The following SLC14A2 variants were observed in gnomAD, a reference collection of about 807,000 sequenced individuals.
The protein encoded by SLC14A2 is solute carrier family 14 member 2, also known as urea transporter 2.
In SLC14A2, 91 loss-of-function variants were observed where a neutral mutation model predicts 104.6. That is an observed-to-expected ratio of 0.87 (90% CI 0.73 to 1.04). The LOEUF (loss-of-function observed/expected upper bound fraction) is 1.04. SLC14A2 is among the 50% of genes least tolerant of loss of function. The pLI, the probability that SLC14A2 is intolerant of heterozygous loss-of-function variation, is 0.00. For missense variants in SLC14A2, 1,189 were observed against 1,156.0 expected (o/e 1.03, Z -0.41); for synonymous variants, 476 against 466.4 (o/e 1.02, Z -0.27).
At chr18:45,170,876 T>C in the SLC14A2 span, among the ~76,000 whole-genome samples, 3 of 152,064 alleles carry the variant, frequency 2.0e-5, no homozygotes, top group Admixed American at 1.3e-4. Flanking sequence ...ATCTACCAAT[T>C]ACAAAATGAT....
intron 2 of SLC14A2, among the ~76,000 whole-genome samples, chr18:45,537,362 A>G (rs976783647): frequency 1.7e-4 from 26 of 152,196 alleles, no homozygotes; most frequent in African/African-American, 1.4e-4. Context: ...GGGTTGAGCT[A>G]TCAAGATAGA....
At chr18:45,409,581 G>C (rs762816956) in intron 1 of SLC14A2, among the ~76,000 whole-genome samples, 5 of 152,132 alleles carry the variant, frequency 3.3e-5, no homozygotes, top group Non-Finnish European at 7.3e-5. Flanking sequence ...TTCACAAGAC[G>C]ACATTTCCCC....
intron 1 of SLC14A2, among the ~76,000 whole-genome samples, chr18:45,292,030 C>CT (rs2084874915): frequency 6.6e-6 from 1 of 152,148 alleles, no homozygotes; most frequent in Non-Finnish European, 1.5e-5. Context: ...CTCCCCTTTC[C>CT]TGGCGGAGAC....
At chr18:45,429,320 G>C (rs2086479141) in intron 1 of SLC14A2, among the ~76,000 whole-genome samples, 1 of 152,160 alleles carries the variant, frequency 6.6e-6, no homozygotes, top group South Asian at 2.1e-4. Flanking sequence ...AAACTGTGGA[G>C]AGTCTGTGGA....
At chr18:45,525,371 G>C (rs2144818120) in intron 2 of SLC14A2, among the ~76,000 whole-genome samples, 1 of 152,292 alleles carries the variant, frequency 6.6e-6, no homozygotes, top group South Asian at 2.1e-4. Context: ...AGTGGATTAG[G>C]CTTGAAGTGA....
chr18:45,347,852 T>A (rs541625660), intron 1 of SLC14A2, among the ~76,000 whole-genome samples: 3 of 152,330 alleles, frequency 2.0e-5, no homozygotes, highest in African/African-American at 7.2e-5. Flanking sequence ...CATGCTTTTT[T>A]AGTGCTTACA....
chr18:45,628,396 A>G (rs1568304915), intron 4 of SLC14A2, among the ~76,000 whole-genome samples: 1 of 151,338 alleles, frequency 6.6e-6, no homozygotes. Context: ...GTTAGCCGAG[A>G]TCGCACCACT....
intron 1 of SLC14A2, among the ~76,000 whole-genome samples, chr18:45,296,648 G>C (rs1681236758): frequency 6.6e-6 from 1 of 152,120 alleles, no homozygotes; most frequent in African/African-American, 2.4e-5. Flanking sequence ...GTATTCCCCT[G>C]CTAGGCACCC....
rs2046180573 is a variant in SLC14A2 at position 45,673,785 on chromosome 18, C to T, written c.2480C>T (p.Thr827Ile). ...ATAGGAGGCATGTTCTACGTCATCA[C>T]CTGGCAGACGCACCTCCTCGCCATC... Reference protein sequence around the residue: ...IAIGGMFYVITWQTHLLAIAC... With the variant: ...IAIGGMFYVIIWQTHLLAIAC... The change falls in exon 18 of 20, where the codon ACC becomes ATC. Residue 827 changes from threonine to isoleucine, a missense_variant. Transcript: ENST00000255226. 1 of 1,614,194 alleles carries T rather than the reference C, an allele frequency of 6.2e-7. No homozygotes were observed. The highest frequency in any genetic ancestry group is 1.1e-5 in the South Asian group (1 of 91,090).
At chr18:45,369,883 T>C (rs2085704142) in intron 1 of SLC14A2, among the ~76,000 whole-genome samples, 1 of 152,172 alleles carries the variant, frequency 6.6e-6, no homozygotes, top group South Asian at 2.1e-4. Flanking sequence ...CCAGAACTCT[T>C]TCTACTGTGT....
At chr18:45,578,223 A>C (rs1178345878) in intron 2 of SLC14A2, among the ~76,000 whole-genome samples, 2 of 152,134 alleles carry the variant, frequency 1.3e-5, no homozygotes, top group Non-Finnish European at 2.9e-5. Flanking sequence ...CCCTCTCTAC[A>C]ACACCTTTAG....
chr18:45,296,579 G>T (rs1036789422), intron 1 of SLC14A2, among the ~76,000 whole-genome samples: 3 of 152,148 alleles, frequency 2.0e-5, no homozygotes, highest in Non-Finnish European at 4.4e-5. Flanking sequence ...CTACATGCTG[G>T]ATTAGGGAGT....
At chr18:45,362,295 G>C (rs1382865122) in intron 1 of SLC14A2, among the ~76,000 whole-genome samples, 1 of 152,176 alleles carries the variant, frequency 6.6e-6, no homozygotes, top group East Asian at 1.9e-4. Context: ...TTCTTTACAG[G>C]AGTGTGAAAA....
At position 45,391,829 on chromosome 18, in the gene SLC14A2, G is replaced by C. The variant is rs138957251; in HGVS notation, c.-124-91404G>C. ...TCATTGTAGATTCTGGATACTAGCC[G>C]TTTGTCAGATGAGTAGATTGCAAAC... On this transcript the variant is annotated intron_variant, in intron 1 of 20. Transcript: ENST00000586448. Among the ~76,000 whole-genome samples the C allele has an allele frequency of 7.5e-3, 1,141 of 152,224 alleles. 17 individuals are homozygous for C. Among genetic ancestry groups the C allele is most frequent in the African/African-American group, 0.026 (1,074 of 41,552 alleles).
chr18:45,484,370 C>G (rs950294774), intron 2 of SLC14A2, among the ~76,000 whole-genome samples: 3 of 152,218 alleles, frequency 2.0e-5, no homozygotes, highest in Admixed American at 1.3e-4. Context: ...TACTTCCCCA[C>G]AATTCCACCA....
intron 2 of SLC14A2, among the ~76,000 whole-genome samples, chr18:45,571,986 G>A (rs1389935223): frequency 6.6e-6 from 1 of 152,102 alleles, no homozygotes; most frequent in Non-Finnish European, 1.5e-5. Flanking sequence ...ACAGTGCATA[G>A]ACCCCATCCT....
intron 2 of SLC14A2, among the ~76,000 whole-genome samples, chr18:45,603,325 T>C (rs997026308): frequency 6.6e-6 from 1 of 152,134 alleles, no homozygotes; most frequent in Non-Finnish European, 1.5e-5. Flanking sequence ...CCATAATTGA[T>C]AAGAACATGC....
At chr18:45,230,196 T>C (rs1568111136) in intron 1 of SLC14A2, among the ~76,000 whole-genome samples, 2 of 152,188 alleles carry the variant, frequency 1.3e-5, no homozygotes, top group Non-Finnish European at 2.9e-5. Context: ...CTTCGTGAGG[T>C]CTGTATTACT....
the SLC14A2 span, among the ~76,000 whole-genome samples, chr18:45,205,949 A>T: frequency 6.6e-6 from 1 of 152,240 alleles, no homozygotes; most frequent in East Asian, 1.9e-4. Flanking sequence ...GTAATGATTC[A>T]GTCCACCAGT....
Sources: allele counts gnomAD v4.1 joint callset (sites outside exome capture counted in the v4.1 genomes callset), GRCh38; gene constraint gnomAD v4.1.1; transcripts MANE v1.5; gene names NCBI Gene and HGNC (gene_info 2026-07-23, HGNC 2026-07-21).